The following SCN10A variants were observed in gnomAD, a reference collection of about 807,000 sequenced individuals.
SCN10A encodes the protein sodium voltage-gated channel alpha subunit 10, also known as sodium channel protein type 10 subunit alpha.
Under a neutral mutation model 170.7 loss-of-function variants are expected in SCN10A, and 162 were observed. The observed-to-expected ratio is 0.95, with a 90% CI of 0.84 to 1.08. SCN10A has a LOEUF of 1.08. SCN10A is among the 50% of genes least tolerant of loss of function. SCN10A has a pLI of 0.00. For missense variants in SCN10A, 2,527 were observed against 2,436.9 expected, an observed-to-expected ratio of 1.04 and a Z score of -0.78; for synonymous variants, 985 against 904.6, an observed-to-expected ratio of 1.09 and a Z score of -1.59.
In SCN10A at chr3:38,727,010, C is replaced by T; in HGVS notation, c.2683G>A (p.Ala895Thr). 1 of 1,613,786 alleles carries T rather than the reference C, an allele frequency of 6.2e-7. No individual in the cohort carries two copies. Among genetic ancestry groups the T allele is most frequent in the Non-Finnish European group, 8.5e-7 (1 of 1,179,656 alleles). Residue 895 changes from alanine (A) to threonine (T), a missense_variant, in exon 17 of 28, where the codon GCT (alanine) becomes ACT (threonine). Ala to Thr is a moderately conservative substitution (Grantham distance 58). Coordinates refer to ENST00000449082, the MANE Select transcript of SCN10A (RefSeq NM_006514.4). ...FIALLLNSFS[A>T]DNLTAPEDDG... Reference sequence around the variant, plus strand: ...TCCTCCGGGGCTGTGAGGTTGTCAGCACTGAAAGAGTTCAATAGCAGGGCG... The same window carrying T: ...TCCTCCGGGGCTGTGAGGTTGTCAGTACTGAAAGAGTTCAATAGCAGGGCG...
rs191925752 is a variant in SCN10A, at chr3:38,707,408, T to C, written c.4282-25A>G. 369 of 1,612,556 alleles carry C rather than the reference T, an allele frequency of 2.3e-4. 1 individual carries two copies. The highest frequency in any genetic ancestry group is 2.4e-4 in the Non-Finnish European group (285 of 1,178,766). On this transcript the variant is annotated intron_variant, in intron 25 of 27. Transcript: ENST00000449082. ...AGTGCAGAGAGGGCCACACTGTTAC[T>C]AAAGCAAGAGGAACCCCCTACGGAT...
At chr3:38,779,447 T>G (rs1044738973) in intron 4 of SCN10A, among the ~76,000 whole-genome samples, 1 of 152,048 alleles carries the variant, frequency 6.6e-6, no homozygotes, top group African/African-American at 2.4e-5. Context: ...GCTGTATTAT[T>G]TTTTAGTATA....
chr3:38,777,854 T>C (rs1370065401), intron 4 of SCN10A, among the ~76,000 whole-genome samples: 1 of 152,032 alleles, frequency 6.6e-6, no homozygotes, highest in Non-Finnish European at 1.5e-5. Flanking sequence ...GAATAATCCA[T>C]ATGGAAAAAT....
At chr3:38,751,278 GC>G (rs34455861) in intron 12 of SCN10A, among the ~76,000 whole-genome samples, 4 of 152,158 alleles carry the variant, frequency 2.6e-5, no homozygotes, top group Non-Finnish European at 4.4e-5. Context: ...CATCCCTTCA[GC>G]CTAGGCATGT....
At chr3:38,708,675 A>G (rs913637250) in intron 25 of SCN10A, among the ~76,000 whole-genome samples, 1 of 152,156 alleles carries the variant, frequency 6.6e-6, no homozygotes, top group African/African-American at 2.4e-5. Context: ...TTTGTTCAGG[A>G]TTTTGTTTAC....
At chr3:38,710,966 G>T in intron 23 of SCN10A, 69 bp from the exon 24 acceptor site, 1 of 1,364,344 alleles carries the variant, frequency 7.3e-7, no homozygotes, top group South Asian at 1.2e-5. Flanking sequence ...CCCAAGCCAT[G>T]GTGGCCCAGT....
In SCN10A at chr3:38,773,840, TAAG is replaced by T. The variant is rs538413808; in HGVS notation, c.471-2436_471-2434del. ...GGAAATGAGTTTGTGGATGTGGCCT[TAAG>T]TTTTTTCTCATAATAGGAAGCCAAT... On this transcript the variant is annotated intron_variant, in intron 4 of 27. Transcript: ENST00000449082. 2.7e-4 allele frequency among the ~76,000 whole-genome samples: 41 copies of T among 152,310 alleles called. No homozygotes were observed. In the East Asian group the frequency reaches 6.7e-3, roughly 25 times the overall value.
intron 26 of SCN10A, among the ~76,000 whole-genome samples, chr3:38,706,392 A>G (rs767298025): frequency 7.2e-5 from 11 of 152,198 alleles, no homozygotes; most frequent in Non-Finnish European, 1.5e-4. Context: ...CATCAGCAAT[A>G]CCTGTGATTT....
intron 24 of SCN10A, among the ~76,000 whole-genome samples, chr3:38,710,411 C>T (rs1295292292): frequency 6.6e-6 from 1 of 152,202 alleles, no homozygotes; most frequent in Non-Finnish European, 1.5e-5. Context: ...CCACCTCGGC[C>T]TCCCAAAGTG....
intron 15 of SCN10A, among the ~76,000 whole-genome samples, chr3:38,738,220 C>T (rs1264993907): frequency 1.3e-5 from 2 of 152,152 alleles, no homozygotes; most frequent in Non-Finnish European, 2.9e-5. Flanking sequence ...GTGTGAGCCA[C>T]TGCACCTGGC....
At chr3:38,809,745 C>A (rs547815799) in intron 1 of SCN10A, among the ~76,000 whole-genome samples, 1 of 152,058 alleles carries the variant, frequency 6.6e-6, no homozygotes, top group Admixed American at 6.5e-5. Context: ...GACAAGAAGC[C>A]GTGTTCCTTA....
chr3:38,729,028 T>C (rs2063488268), intron 15 of SCN10A, 127 bp from the exon 16 acceptor site: 1 of 1,171,164 alleles, frequency 8.5e-7, no homozygotes, highest in South Asian at 1.6e-5. Context: ...CAGGGCGTTT[T>C]CTGGACACTG....
chr3:38,718,932 G>A (rs1161513196), intron 20 of SCN10A, 106 bp from the exon 21 acceptor site: 1 of 1,080,142 alleles, frequency 9.3e-7, no homozygotes, highest in Non-Finnish European at 1.3e-6. Context: ...GTCCCTGGAA[G>A]GGGATTTGGT....
chr3:38,811,992 C>T (rs1237716612), intron 1 of SCN10A, among the ~76,000 whole-genome samples: 2 of 152,184 alleles, frequency 1.3e-5, no homozygotes, highest in East Asian at 3.9e-4. Context: ...AGCCAGGCAA[C>T]CAATCAATAC....
chr3:38,717,508 C>G (rs1323113083), intron 21 of SCN10A, among the ~76,000 whole-genome samples: 1 of 152,226 alleles, frequency 6.6e-6, no homozygotes, highest in Non-Finnish European at 1.5e-5. Context: ...AATTATCACC[C>G]ATGACTCAGA....
rs555352710 is a variant in SCN10A, at chr3:38,805,757, T to G, written c.-33+10280A>C. ...CCTTCGAGACCTAGTCTCAGCAATC[T>G]GTGACACTGGAAAAATAGCACTTAG... On this transcript the variant is annotated intron_variant, in intron 1 of 27. Coordinates refer to ENST00000449082, the MANE Select transcript of SCN10A (RefSeq NM_006514.4). Among the ~76,000 whole-genome samples, 3 of 152,318 alleles carry G rather than the reference T, an allele frequency of 2.0e-5. No homozygotes were observed. In the South Asian group the frequency reaches 6.2e-4, roughly 32 times the overall value.
chr3:38,811,768 G>A (rs1164647165), intron 1 of SCN10A, among the ~76,000 whole-genome samples: 1 of 152,146 alleles, frequency 6.6e-6, no homozygotes, highest in African/African-American at 2.4e-5. Flanking sequence ...AGATTTTCCA[G>A]GACTTTCTAC....
chr3:38,703,244 C>T (rs567050922), intron 26 of SCN10A, among the ~76,000 whole-genome samples: 1 of 152,324 alleles, frequency 6.6e-6, no homozygotes, highest in Admixed American at 6.5e-5. Flanking sequence ...GGGTGAGGCT[C>T]TTGGCCATAT....
intron 13 of SCN10A, among the ~76,000 whole-genome samples, chr3:38,743,737 C>T (rs1278771519): frequency 6.6e-6 from 1 of 152,138 alleles, no homozygotes; most frequent in Non-Finnish European, 1.5e-5. Flanking sequence ...TCTCCCTTTT[C>T]CTTTCCTGCT....
Sources: allele counts gnomAD v4.1 joint callset (sites outside exome capture counted in the v4.1 genomes callset), GRCh38; gene constraint gnomAD v4.1.1; transcripts MANE v1.5; gene names NCBI Gene and HGNC (gene_info 2026-07-23, HGNC 2026-07-21).